Variants in PDGFD observed in about 807,000 individuals in gnomAD.
PDGFD encodes platelet-derived growth factor D.
Under a neutral mutation model 44.7 loss-of-function variants are expected in PDGFD, and 30 were observed. That is an observed-to-expected ratio of 0.67 (90% CI 0.50 to 0.91). PDGFD has a LOEUF of 0.91. Ranked by LOEUF, PDGFD falls within the 40% of genes least tolerant of loss-of-function variation. The probability of loss-of-function intolerance (pLI) is 0.00; values close to 1 mark genes in which losing one functional copy is unlikely to be tolerated. For missense variants in PDGFD, 445 were observed against 457.8 expected, an observed-to-expected ratio of 0.97 and a Z score of 0.25; for synonymous variants, 173 against 168.4, an observed-to-expected ratio of 1.03 and a Z score of -0.21.
At chr11:104,049,413 G>C (rs891575253) in intron 1 of PDGFD, among the ~76,000 whole-genome samples, 2 of 152,206 alleles carry the variant, frequency 1.3e-5, no homozygotes, top group Non-Finnish European at 2.9e-5. Context: ...GGCTGAAAGA[G>C]TAATCTAGAA....
Position 103,964,160 on chromosome 11 carries a change from C to T in PDGFD, c.511-16436G>A, listed in dbSNP as rs183713581. 3.7e-3 allele frequency among the ~76,000 whole-genome samples: 563 copies of T among 152,206 alleles called. 11 individuals carry two copies. In the South Asian group the frequency reaches 0.049, roughly 13 times the overall value. ...TAGAAGTGATCAATGTCACATTTGA[C>T]CAGAAGCTTTAAAACATATTGTATG... On this transcript the variant is annotated intron_variant, in intron 3 of 6. Transcript: ENST00000393158.
At chr11:103,952,416 C>T (rs768099382) in intron 3 of PDGFD, among the ~76,000 whole-genome samples, 29 of 152,294 alleles carry the variant, frequency 1.9e-4, no homozygotes, top group Non-Finnish European at 3.1e-4. Context: ...GACTTCCTCA[C>T]CTCCTGCTCC....
intron 1 of PDGFD, among the ~76,000 whole-genome samples, chr11:104,019,351 A>G (rs942687646): frequency 6.6e-6 from 1 of 152,188 alleles, no homozygotes; most frequent in Non-Finnish European, 1.5e-5. Context: ...AGAAAATTTA[A>G]TATGTGCCAT....
chr11:104,040,536 G>T (rs764984177), intron 1 of PDGFD, among the ~76,000 whole-genome samples: 9 of 152,008 alleles, frequency 5.9e-5, no homozygotes, highest in Non-Finnish European at 1.2e-4. Flanking sequence ...TTTGGTAAAA[G>T]GCTACATCTT....
intron 5 of PDGFD, among the ~76,000 whole-genome samples, chr11:103,931,699 G>A (rs544474020): frequency 1.3e-4 from 20 of 151,998 alleles, no homozygotes; most frequent in African/African-American, 4.3e-4. Flanking sequence ...CAATTCTCCC[G>A]CCTCAGCCTT....
At chr11:103,952,642 G>C (rs550341869) in intron 3 of PDGFD, among the ~76,000 whole-genome samples, 3 of 152,132 alleles carry the variant, frequency 2.0e-5, no homozygotes, top group African/African-American at 7.2e-5. Context: ...GTTAGGACTA[G>C]GACCCAATTA....
At chr11:103,926,800 C>G in intron 6 of PDGFD, 112 bp downstream of exon 6, 1 of 1,137,242 alleles carries the variant, frequency 8.8e-7, no homozygotes, top group Non-Finnish European at 1.3e-6. Context: ...CTAATCAAAC[C>G]CTGGCTGGGT....
Position 103,996,183 on chromosome 11 carries a change from C to T in PDGFD, c.392G>A (p.Cys131Tyr). The change falls in exon 3 of 7, where the codon TGT (cysteine) becomes TAT (tyrosine). Residue 131 changes from cysteine (C) to tyrosine (Y), a missense_variant. Transcript: ENST00000393158. The stretch of plus-strand genomic sequence containing the variant: ...CCTTGGAGGAACTTCCTTGTGTCCA[C>T]ACCATCGTCCTCTAATAATGGTACT... ...ETSTIIRGRW[C>Y]GHKEVPPRIK... is the part of the protein sequence containing the mutation. The T allele has an allele frequency of 6.2e-7, 1 of 1,613,424 alleles. No homozygotes were observed.
intron 3 of PDGFD, among the ~76,000 whole-genome samples, chr11:103,958,653 A>C (rs927928059): frequency 6.6e-6 from 1 of 152,146 alleles, no homozygotes; most frequent in South Asian, 2.1e-4. Context: ...ATTGTGGTTA[A>C]GAGAGGAAAT....
intron 1 of PDGFD, among the ~76,000 whole-genome samples, chr11:104,014,157 A>G (rs776084694): frequency 6.6e-6 from 1 of 152,220 alleles, no homozygotes; most frequent in Non-Finnish European, 1.5e-5. Flanking sequence ...TAGCTACTGA[A>G]TAATATTCTA....
chr11:104,015,260 G>C (rs537942787), intron 1 of PDGFD, among the ~76,000 whole-genome samples: 44 of 152,266 alleles, frequency 2.9e-4, no homozygotes, highest in African/African-American at 1.0e-3. Flanking sequence ...CTGTGAGATT[G>C]CTACAAATGA....
At chr11:103,955,647 AAG>A (rs1487355413) in intron 3 of PDGFD, among the ~76,000 whole-genome samples, 1 of 152,256 alleles carries the variant, frequency 6.6e-6, no homozygotes, top group Non-Finnish European at 1.5e-5. Flanking sequence ...CAAGGATATC[AAG>A]AGTCTAAGAA....
intron 1 of PDGFD, among the ~76,000 whole-genome samples, chr11:104,088,079 C>T (rs930056975): frequency 6.6e-5 from 10 of 152,218 alleles, no homozygotes; most frequent in Non-Finnish European, 1.3e-4. Flanking sequence ...TTCTTCAATA[C>T]TTCAATTACA....
At chr11:104,089,432 C>A (rs1051177755) in intron 1 of PDGFD, among the ~76,000 whole-genome samples, 1 of 152,020 alleles carries the variant, frequency 6.6e-6, no homozygotes, top group South Asian at 2.1e-4. Flanking sequence ...GCTTCATTTG[C>A]TATTTACAAA....
At chr11:104,037,218 GA>G in intron 1 of PDGFD, 1 of 1,613,698 alleles carries the variant, frequency 6.2e-7, no homozygotes. Flanking sequence ...CGTCAGGAGA[GA>G]AGGTGGCCGG....
chr11:103,978,213 C>T (rs1859212565), intron 3 of PDGFD, among the ~76,000 whole-genome samples: 1 of 151,886 alleles, frequency 6.6e-6, no homozygotes, highest in African/African-American at 2.4e-5. Context: ...ACAATGATAT[C>T]TTCAGAATGA....
At chr11:104,064,841 A>G (rs997953370) in intron 1 of PDGFD, among the ~76,000 whole-genome samples, 1 of 152,220 alleles carries the variant, frequency 6.6e-6, no homozygotes, top group Non-Finnish European at 1.5e-5. Flanking sequence ...TACATAGTTA[A>G]TACAAAAATA....
intron 3 of PDGFD, among the ~76,000 whole-genome samples, chr11:103,973,305 A>ATTTT (rs35172142): frequency 6.9e-6 from 1 of 144,264 alleles, no homozygotes. Context: ...TGCCCGGCCA[A>ATTTT]TTTTTTTTTT....
At chr11:104,038,039 T>A (rs374240252) in intron 1 of PDGFD, 80 of 1,584,880 alleles carry the variant, frequency 5.0e-5, no homozygotes, top group Non-Finnish European at 6.5e-5. Flanking sequence ...TGTTACCACC[T>A]TGAGGGAGCC....
Sources: gnomAD v4.1 joint callset for allele counts (sites outside exome capture counted in the v4.1 genomes callset) on GRCh38, gnomAD v4.1.1 for gene constraint, MANE v1.5 for transcripts, NCBI Gene and HGNC (gene_info 2026-07-23, HGNC 2026-07-21) for gene names.